EMC8: variants seen among roughly 807,000 people sequenced by gnomAD.
The protein encoded by EMC8 is COX4 neighbor.
Under a neutral mutation model 24.3 loss-of-function variants are expected in EMC8, and 11 were observed. That is an observed-to-expected ratio of 0.45 (90% CI 0.28 to 0.75). EMC8 has a LOEUF of 0.75. Ranked by LOEUF, EMC8 falls within the 30% of genes least tolerant of loss-of-function variation. The pLI is 0.12. For missense variants in EMC8, 277 were observed against 282.7 expected, an observed-to-expected ratio of 0.98 and a Z score of 0.14; for synonymous variants, 145 against 117.7, an observed-to-expected ratio of 1.23 and a Z score of -1.50.
At chr16:85,790,404 C>T (rs1241520684) in intron 1 of EMC8, among the ~76,000 whole-genome samples, 3 of 152,144 alleles carry the variant, frequency 2.0e-5, no homozygotes, top group African/African-American at 7.2e-5. Context: ...ACATTCTGGT[C>T]ATCCACCCAA....
At chr16:85,790,837 C>CT (rs112084374) in intron 1 of EMC8, among the ~76,000 whole-genome samples, 89 of 148,102 alleles carry the variant, frequency 6.0e-4, no homozygotes, top group Middle Eastern at 6.9e-3. Flanking sequence ...TAAAACAACA[C>CT]TTTTTTTTTT....
chr16:85,785,420 A>G (rs1023708785), intron 2 of EMC8, among the ~76,000 whole-genome samples: 3 of 152,022 alleles, frequency 2.0e-5, no homozygotes, highest in Non-Finnish European at 4.4e-5. Context: ...AAATACAAAA[A>G]TTAGCCAGGT....
In EMC8 at chr16:85,799,186, G is replaced by A. The variant is rs1486245613; in HGVS notation, c.110C>T (p.Pro37Leu). Residue 37 changes from proline to leucine, a missense_variant, in exon 1 of 5, where the codon CCG becomes CTG. By Grantham distance (98) the Pro-to-Leu change is moderately conservative. Coordinates refer to ENST00000253457, the MANE Select transcript of EMC8 (RefSeq NM_006067.5). This position sits in a 1 kb window ranked among gnomAD's most constrained non-coding sequence, Gnocchi z 4.2. ...NGLLVAEKQKPRKEHLPLGGP... is the reference protein window; with the variant it reads ...NGLLVAEKQKLRKEHLPLGGP... ...GCCCAGGGGGAGGTGCTCCTTACGCGGCTTCTGCTTCTCGGCCACCAGGAG... is the reference window on the plus strand; with the variant it reads ...GCCCAGGGGGAGGTGCTCCTTACGCAGCTTCTGCTTCTCGGCCACCAGGAG... 24 of 1,613,018 alleles carry A rather than the reference G, an allele frequency of 1.5e-5. No homozygotes were observed. The highest frequency in any genetic ancestry group is 1.9e-5 in the Non-Finnish European group (23 of 1,179,660).
chr16:85,783,206 G>A (rs1473590314), intron 2 of EMC8, among the ~76,000 whole-genome samples: 1 of 152,192 alleles, frequency 6.6e-6, no homozygotes, highest in East Asian at 1.9e-4. Flanking sequence ...CGGAGGCTGA[G>A]GCAGGAGAAT....
chr16:85,795,145 A>T (rs1905197025), intron 1 of EMC8, among the ~76,000 whole-genome samples: 1 of 152,218 alleles, frequency 6.6e-6, no homozygotes, highest in South Asian at 2.1e-4. Flanking sequence ...TCGGAACAGA[A>T]GTGTTTAACT....
At chr16:85,796,666 C>G (rs991743932) in intron 1 of EMC8, among the ~76,000 whole-genome samples, 19 of 152,138 alleles carry the variant, frequency 1.2e-4, no homozygotes, top group African/African-American at 2.4e-5. Context: ...CAAACTCCCC[C>G]ACTCGCTCTC....
intron 2 of EMC8, among the ~76,000 whole-genome samples, chr16:85,788,573 A>G (rs1291478746): frequency 6.6e-6 from 1 of 152,254 alleles, no homozygotes; most frequent in African/African-American, 2.4e-5. Flanking sequence ...TTTTCATCAG[A>G]GTACTGACCC....
At chr16:85,796,221 C>T (rs575008972) in intron 1 of EMC8, among the ~76,000 whole-genome samples, 1 of 152,280 alleles carries the variant, frequency 6.6e-6, no homozygotes, top group Non-Finnish European at 1.5e-5. Flanking sequence ...CCCCTCCAGA[C>T]CTGTTTCTCT....
intron 2 of EMC8, among the ~76,000 whole-genome samples, chr16:85,785,711 C>T (rs976496247): frequency 4.6e-5 from 7 of 152,228 alleles, no homozygotes; most frequent in Admixed American, 1.3e-4. Context: ...AAGACTGCCA[C>T]GCTGTGGTTC....
chr16:85,788,338 CCT>C (rs1406196730), intron 2 of EMC8, among the ~76,000 whole-genome samples: 4 of 152,274 alleles, frequency 2.6e-5, no homozygotes, highest in Non-Finnish European at 5.9e-5. Context: ...AGCACGACCC[CCT>C]GTGCGTTATC....
At chr16:85,787,655 G>T (rs538095919) in intron 2 of EMC8, 1 of 152,220 alleles carries the variant, frequency 6.6e-6, no homozygotes, top group Non-Finnish European at 1.5e-5. Flanking sequence ...AAGGCGGAGA[G>T]GCCAGTGCTG....
rs752366092 is a variant in EMC8, at chr16:85,779,723, G to C, written c.618C>G (p.Val206=). ...CGGTGCCTGCCTAGCACAAGTGTAG[G>C]ACAGCTTTATTGATCTCTGGGTTTG... is the stretch of plus-strand genomic sequence containing the variant. ...DWTNPEINKA[V]LHLC Residue 206 remains valine (V), a synonymous_variant, in exon 5 of 5, where the codon GTC becomes GTG. Transcript: ENST00000253457. 1.2e-6 allele frequency: 2 copies of C among 1,614,098 alleles called. No homozygotes were observed. Among genetic ancestry groups the C allele is most frequent in the Middle Eastern group, 1.6e-4 (1 of 6,084 alleles).
At chr16:85,781,631 T>TTC (rs35481479) in intron 2 of EMC8, 1 of 221,596 alleles carries the variant, frequency 4.5e-6, no homozygotes, top group East Asian at 1.4e-4. Context: ...TTTTTTTTTT[T>TTC]GGTAGAGAGG....
chr16:85,790,126 A>G (rs1299315855), intron 1 of EMC8, among the ~76,000 whole-genome samples: 3 of 152,174 alleles, frequency 2.0e-5, no homozygotes, highest in African/African-American at 7.2e-5. Context: ...AGTCTGCACA[A>G]GAGGAAACAA....
chr16:85,790,339 A>T (rs749961836), intron 1 of EMC8, among the ~76,000 whole-genome samples: 13 of 152,258 alleles, frequency 8.5e-5, no homozygotes, highest in Non-Finnish European at 1.9e-4. Flanking sequence ...CTGGCCTCCT[A>T]AGAGTTCACG....
chr16:85,780,491 G>A lies in EMC8; in HGVS notation c.379-18C>T, dbSNP rs1442207326. 2 of 1,593,964 alleles carry A rather than the reference G, an allele frequency of 1.3e-6. No homozygotes were observed. The highest frequency in any genetic ancestry group is 1.7e-6 in the Non-Finnish European group (2 of 1,162,696). ...TTGTCTACCTGAGCACAAGGCAAAG[G>A]ACACGAGAGTGAACAGAATGCCAGC... On this transcript the variant is annotated intron_variant, in intron 3 of 4. Transcript: ENST00000253457.
At chr16:85,786,523 C>A (rs1381662194) in intron 2 of EMC8, among the ~76,000 whole-genome samples, 3 of 152,282 alleles carry the variant, frequency 2.0e-5, no homozygotes, top group East Asian at 3.9e-4. Flanking sequence ...CACGGCATTA[C>A]CTACCTGAGG....
Position 85,799,244 on chromosome 16 carries a change from C to G in EMC8, c.52G>C (p.Gly18Arg), listed in dbSNP as rs770721766. The G allele has an allele frequency of 6.2e-7, 1 of 1,612,946 alleles. No homozygotes were observed. The highest frequency in any genetic ancestry group is 8.5e-7 in the Non-Finnish European group (1 of 1,179,874). ...ACGGCGCAGTGCGGGTACTTGGCGC[C>G]GTGCAGCACCATCTTGCAGTAGGCC... is the stretch of plus-strand genomic sequence containing the variant. Reference protein sequence around the residue: ...TQAYCKMVLHGAKYPHCAVNG... With the variant: ...TQAYCKMVLHRAKYPHCAVNG... Residue 18 changes from glycine to arginine, a missense_variant, in exon 1 of 5, where the codon GGC (glycine) becomes CGC (arginine). By Grantham distance (125) the Gly-to-Arg change is moderately radical (BLOSUM62 -2). Transcript: ENST00000253457. This position sits in a 1 kb window ranked among gnomAD's most constrained non-coding sequence, Gnocchi z 4.2.
intron 1 of EMC8, among the ~76,000 whole-genome samples, chr16:85,794,984 G>C (rs970212054): frequency 1.3e-5 from 2 of 152,176 alleles, no homozygotes; most frequent in African/African-American, 4.8e-5. Context: ...TTGGGAGGCA[G>C]CCCTGCTCCC....
Sources: gnomAD v4.1 joint callset for allele counts (sites outside exome capture counted in the v4.1 genomes callset) on GRCh38, gnomAD v4.1.1 for gene constraint, Gnocchi (gnomAD v3.1) non-coding constraint, MANE v1.5 for transcripts, NCBI Gene and HGNC (gene_info 2026-07-23, HGNC 2026-07-21) for gene names.